Variants in PTPRM observed in about 807,000 individuals in gnomAD.
PTPRM encodes receptor-type tyrosine-protein phosphatase mu.
PTPRM carries 47 observed loss-of-function variants against 186.7 expected under a neutral mutation model. That is an observed-to-expected ratio of 0.25 (90% CI 0.20 to 0.32). The LOEUF is 0.32. Among genes scored for constraint, PTPRM ranks in the 10% least tolerant of loss-of-function variants. The pLI is 1.00. For synonymous variants in PTPRM, 668 were observed against 674.9 expected, an observed-to-expected ratio of 0.99 and a Z score of 0.16; for missense variants, 1,494 against 1,865.0, an observed-to-expected ratio of 0.80 and a Z score of 3.66.
chr18:8,260,334 T>C (rs2094616587), intron 19 of PTPRM, among the ~76,000 whole-genome samples: 1 of 152,056 alleles, frequency 6.6e-6, no homozygotes, highest in African/African-American at 2.4e-5. Flanking sequence ...AGCTAACTTT[T>C]TTAATTTTTT....
intron 16 of PTPRM, 97 bp downstream of exon 16, chr18:8,248,016 T>C: frequency 7.3e-7 from 1 of 1,363,700 alleles, no homozygotes; most frequent in Non-Finnish European, 1.0e-6. Context: ...AGGGGCTTAC[T>C]GTGTTTGAGA....
At chr18:7,720,742 G>A (rs1390457571) in intron 1 of PTPRM, among the ~76,000 whole-genome samples, 1 of 152,024 alleles carries the variant, frequency 6.6e-6, no homozygotes, top group Non-Finnish European at 1.5e-5. Context: ...TTATCTTTTT[G>A]TGACTGGCTT....
intron 7 of PTPRM, among the ~76,000 whole-genome samples, chr18:8,028,571 A>G (rs1382413314): frequency 1.3e-5 from 2 of 152,240 alleles, no homozygotes; most frequent in African/African-American, 2.4e-5. Flanking sequence ...TTAAAACCAT[A>G]TGTGTAAACC....
chr18:7,569,789 A>G (rs1215611448), intron 1 of PTPRM, among the ~76,000 whole-genome samples: 1 of 152,228 alleles, frequency 6.6e-6, no homozygotes, highest in African/African-American at 2.4e-5. Context: ...ATAGACTTCT[A>G]CTAAAATTTA....
intron 14 of PTPRM, among the ~76,000 whole-genome samples, chr18:8,167,826 C>T (rs2146415676): frequency 6.6e-6 from 1 of 152,328 alleles, no homozygotes; most frequent in South Asian, 2.1e-4. Context: ...ACAGCAGTTC[C>T]TGTTCTTTGC....
chr18:7,975,664 C>G (rs1376113978), intron 7 of PTPRM, among the ~76,000 whole-genome samples: 1 of 152,098 alleles, frequency 6.6e-6, no homozygotes, highest in Non-Finnish European at 1.5e-5. Flanking sequence ...AATGCATTAC[C>G]TTTTCTATGT....
chr18:7,825,268 T>C (rs1000599359), intron 2 of PTPRM, among the ~76,000 whole-genome samples: 17 of 152,114 alleles, frequency 1.1e-4, no homozygotes, highest in Admixed American at 9.8e-4. Context: ...CTACACCATG[T>C]TGTAAGTGTT....
At chr18:8,260,949 G>T (rs1215711706) in intron 19 of PTPRM, among the ~76,000 whole-genome samples, 2 of 152,158 alleles carry the variant, frequency 1.3e-5, no homozygotes, top group Non-Finnish European at 2.9e-5. Context: ...CAGCCCCTTC[G>T]CTGGCTTTTG....
chr18:8,338,337 A>G (rs2095452709), intron 22 of PTPRM, among the ~76,000 whole-genome samples: 1 of 150,156 alleles, frequency 6.7e-6, no homozygotes, highest in African/African-American at 2.4e-5. Flanking sequence ...AGAAAGATAC[A>G]AGGTTCTATG....
intron 5 of PTPRM, among the ~76,000 whole-genome samples, chr18:7,945,780 G>A (rs956642203): frequency 6.6e-6 from 1 of 152,088 alleles, no homozygotes; most frequent in African/African-American, 2.4e-5. Context: ...ATATGATATA[G>A]TGTGTGCCCC....
intron 1 of PTPRM, among the ~76,000 whole-genome samples, chr18:7,654,047 T>A (rs138371096): frequency 9.8e-5 from 15 of 152,324 alleles, no homozygotes; most frequent in African/African-American, 3.6e-4. Context: ...GTGGTTTTGA[T>A]TTGCATTTCT....
At chr18:7,917,397 G>T (rs1251515135) in intron 4 of PTPRM, among the ~76,000 whole-genome samples, 1 of 152,214 alleles carries the variant, frequency 6.6e-6, no homozygotes, top group East Asian at 1.9e-4. Flanking sequence ...TTAGCCAGGC[G>T]TGGTGGCAGG....
chr18:8,141,026 G>T (rs893355593), intron 13 of PTPRM, among the ~76,000 whole-genome samples: 3 of 152,178 alleles, frequency 2.0e-5, no homozygotes, highest in Non-Finnish European at 2.9e-5. Flanking sequence ...CCCGCTGACA[G>T]GTCATAACCA....
At chr18:7,896,949 G>A (rs2049393328) in intron 3 of PTPRM, among the ~76,000 whole-genome samples, 1 of 152,156 alleles carries the variant, frequency 6.6e-6, no homozygotes, top group South Asian at 2.1e-4. Flanking sequence ...TTTGCCTTCA[G>A]CCCACTGATT....
chr18:8,206,159 A>G lies in PTPRM; in HGVS notation c.2301-37899A>G, dbSNP rs73391943. The stretch of plus-strand genomic sequence containing the variant: ...TGTGAAGATGCACCAAGAAATGGCT[A>G]TTGTAGTAGTAGAAGCAGAGAGAAA... On this transcript the variant is annotated intron_variant, in intron 14 of 32. Coordinates refer to ENST00000580170, the MANE Select transcript of PTPRM (RefSeq NM_001105244.2). Among the ~76,000 whole-genome samples the G allele has an allele frequency of 5.5e-3, 833 of 152,298 alleles. 6 individuals carry two copies. Among genetic ancestry groups the G allele is most frequent in the African/African-American group, 0.019 (793 of 41,544 alleles).
chr18:7,960,450 C>A (rs935551444), intron 7 of PTPRM, among the ~76,000 whole-genome samples: 1 of 120,576 alleles, frequency 8.3e-6, no homozygotes, highest in Admixed American at 8.8e-5. Context: ...ATATAGGCAA[C>A]ATATATATAT....
chr18:7,976,711 T>C (rs2054969585), intron 7 of PTPRM, among the ~76,000 whole-genome samples: 1 of 152,092 alleles, frequency 6.6e-6, no homozygotes, highest in Non-Finnish European at 1.5e-5. Flanking sequence ...AATCAAGGGT[T>C]TGGGGAACTA....
intron 23 of PTPRM, among the ~76,000 whole-genome samples, chr18:8,365,170 A>T (rs1442940520): frequency 2.6e-5 from 4 of 152,162 alleles, no homozygotes; most frequent in Admixed American, 6.5e-5. Context: ...AAGCACCTTG[A>T]GTTCCATCCT....
intron 2 of PTPRM, among the ~76,000 whole-genome samples, chr18:7,876,996 T>C (rs1016693928): frequency 4.6e-5 from 7 of 152,152 alleles, no homozygotes; most frequent in African/African-American, 1.2e-4. Context: ...AGTTAATATA[T>C]GTAAAACATT....
Sources: allele counts gnomAD v4.1 joint callset (sites outside exome capture counted in the v4.1 genomes callset), GRCh38; gene constraint gnomAD v4.1.1; transcripts MANE v1.5; gene names NCBI Gene and HGNC (gene_info 2026-07-23, HGNC 2026-07-21).